The following ZNF77 variants were observed in gnomAD, a reference collection of about 807,000 sequenced individuals.
ZNF77 encodes the protein ZNFpT1.
In ZNF77, 15 loss-of-function variants were observed where a neutral mutation model predicts 13.5. The ratio of observed to expected loss-of-function variants is 1.11; its 90% CI spans 0.74 to 1.71. The LOEUF (loss-of-function observed/expected upper bound fraction) is 1.71. ZNF77 is among the 40% of genes most tolerant of loss of function. The probability of loss-of-function intolerance (pLI) is 0.00; values close to 1 mark genes in which losing one functional copy is unlikely to be tolerated. For missense variants in ZNF77, 717 were observed against 676.4 expected (o/e 1.06, Z -0.67); for synonymous variants, 282 against 250.0 (o/e 1.13, Z -1.21).
chr19:2,934,324 T>C lies in ZNF77; in HGVS notation c.803A>G (p.Tyr268Cys). ...GGCTTTCCCACACTCCTTACACTCA[T>C]AGGGTTTCTCTCCTGTGTGAGTTCT... ...HVRTHTGEKP[Y>C]ECKECGKAFS... Residue 268 changes from tyrosine (Y) to cysteine (C), a missense_variant, in exon 4 of 4, where the codon TAT becomes TGT. Physicochemically the swap from Tyr to Cys is radical, Grantham distance 194. Transcript: ENST00000314531. 6.2e-7 allele frequency: 1 copy of C among 1,614,200 alleles called. No individual in the cohort carries two copies. Among genetic ancestry groups the C allele is most frequent in the Non-Finnish European group, 8.5e-7 (1 of 1,180,028 alleles).
In ZNF77 at chr19:2,933,657, T is replaced by C. The variant is rs1301560626; in HGVS notation, c.1470A>G (p.Lys490=). ...TCCCACATTCAGTACATTCGTAGGG[T>C]TTGACCCCACTGTGTGATCTCACAT... is the stretch of plus-strand genomic sequence containing the variant. ...QKHVRSHSGV[K]PYECTECGKA... is the part of the protein sequence containing the mutation. The change falls in exon 4 of 4, where the codon AAA becomes AAG. Residue 490 remains lysine (K), a synonymous_variant. Coordinates refer to ENST00000314531, the MANE Select transcript of ZNF77 (RefSeq NM_021217.3). 6.2e-7 allele frequency: 1 copy of C among 1,612,582 alleles called. No individual in the cohort carries two copies. Among genetic ancestry groups the C allele is most frequent in the East Asian group, 2.2e-5 (1 of 44,800 alleles).
In ZNF77 at chr19:2,944,826, C is replaced by T; in HGVS notation, c.3+12G>A. 6.6e-7 allele frequency: 1 copy of T among 1,522,882 alleles called. No homozygotes were observed. The highest frequency in any genetic ancestry group is 8.8e-7 in the Non-Finnish European group (1 of 1,141,530). 94.3% of individuals were successfully genotyped at this position (1,522,882 alleles called of 1,614,324 possible). Reference sequence around the variant, plus strand: ...GCCCTGGGCCCGGGCTCGGCTCCCGCCCGGCACTCACCATGTCCCGCCCGC... The same window carrying T: ...GCCCTGGGCCCGGGCTCGGCTCCCGTCCGGCACTCACCATGTCCCGCCCGC... On this transcript the variant is annotated intron_variant, in intron 1 of 3. Transcript: ENST00000314531.
intron 2 of ZNF77, among the ~76,000 whole-genome samples, chr19:2,938,694 C>T (rs888372058): frequency 5.9e-5 from 9 of 152,168 alleles, no homozygotes; most frequent in Non-Finnish European, 1.3e-4. Context: ...CGGTGGCTCA[C>T]GCCTGTAATC....
At chr19:2,940,005 C>T (rs1599620802) in intron 1 of ZNF77, among the ~76,000 whole-genome samples, 1 of 151,996 alleles carries the variant, frequency 6.6e-6, no homozygotes, top group East Asian at 1.9e-4. Context: ...ATCAATCATT[C>T]AGGTAACATG....
At position 2,936,559 on chromosome 19, in the gene ZNF77, A is replaced by G. The variant is rs773429210; in HGVS notation, c.276T>C (p.Thr92=). 6.2e-7 allele frequency: 1 copy of G among 1,610,534 alleles called. No individual in the cohort carries two copies. Among genetic ancestry groups the G allele is most frequent in the Non-Finnish European group, 8.5e-7 (1 of 1,179,054 alleles). ...IFGENWRFDN[T]GDQHQIPQRH... Reference sequence around the variant, plus strand: ...TCTGTGGGATTTGGTGCTGATCTCCAGTGTTATCAAATCTCCAATTTTCTC... The same window carrying G: ...TCTGTGGGATTTGGTGCTGATCTCCGGTGTTATCAAATCTCCAATTTTCTC... The change falls in exon 3 of 4, where the codon ACT becomes ACC. Residue 92 remains threonine (T), a synonymous_variant. Transcript: ENST00000314531.
intron 3 of ZNF77, among the ~76,000 whole-genome samples, chr19:2,936,259 T>C (rs943340526): frequency 2.6e-5 from 4 of 152,020 alleles, no homozygotes; most frequent in Non-Finnish European, 5.9e-5. Flanking sequence ...GCGATTCTCC[T>C]TCCTCAGCCT....
rs553629271 is a variant in ZNF77, at chr19:2,944,965, T to C, written c.-125A>G. On this transcript the variant is annotated 5_prime_UTR_variant, in exon 1 of 4. Transcript: ENST00000314531. ...GGAAGCGCGCAAGGCAGAGGGGAAC[T>C]CGGCTTACCGTCCTCGGGGTCTGAT... is the stretch of plus-strand genomic sequence containing the variant. 250 of 1,263,664 alleles carry C rather than the reference T, an allele frequency of 2.0e-4. No homozygotes were observed. The African/African-American group carries it at 3.7e-3, about 19-fold the overall frequency. The allele number at this position is 1,263,664 out of a possible 1,614,324, so 78.3% of individuals were successfully genotyped here.
intron 1 of ZNF77, among the ~76,000 whole-genome samples, chr19:2,940,410 C>G (rs895566177): frequency 9.9e-5 from 15 of 151,692 alleles, no homozygotes; most frequent in African/African-American, 3.4e-4. Context: ...CGTGGTGGCT[C>G]ACGCCTATAA....
chr19:2,939,808 C>CA (rs1599620712), intron 1 of ZNF77: 10 of 196,640 alleles, frequency 5.1e-5, no homozygotes, highest in South Asian at 1.6e-4. Flanking sequence ...CCCGTCTCTA[C>CA]AAAAAAAATA....
chr19:2,943,836 G>A (rs4807375), intron 1 of ZNF77, among the ~76,000 whole-genome samples: 115,110 of 150,756 alleles, frequency 0.76, 44,203 homozygotes, highest in Non-Finnish European at 0.8. Flanking sequence ...CAGCCTCCCT[G>A]GTAGCTGGGA....
In ZNF77 at chr19:2,934,168, C is replaced by A. The variant is rs1160042866; in HGVS notation, c.959G>T (p.Gly320Val). The change falls in exon 4 of 4, where the codon GGA (glycine) becomes GTA (valine). Residue 320 changes from glycine to valine, a missense_variant. By Grantham distance (109) the Gly-to-Val change is moderately radical. Transcript: ENST00000314531. Reference sequence around the variant, plus strand: ...ATGTTTACACTGACAGGGTTTCTCTCCAGTGTGCGTCCTCACGTGATCTCT... The same window carrying A: ...ATGTTTACACTGACAGGGTTTCTCTACAGTGTGCGTCCTCACGTGATCTCT... ...SFRDHVRTHT[G>V]EKPCQCKHCG... 1 of 1,614,174 alleles carries A rather than the reference C, an allele frequency of 6.2e-7. No individual in the cohort carries two copies. Among genetic ancestry groups the A allele is most frequent in the African/African-American group, 1.3e-5 (1 of 75,044 alleles).
chr19:2,944,791 G>GC, intron 1 of ZNF77, 47 bp downstream of exon 1: 1 of 1,495,994 alleles, frequency 6.7e-7, no homozygotes, highest in Non-Finnish European at 8.9e-7. Flanking sequence ...GGTTCCTGCC[G>GC]CCCCACCTCG....
intron 2 of ZNF77, among the ~76,000 whole-genome samples, 195 bp from the exon 3 acceptor site, chr19:2,936,899 G>A (rs1054561174): frequency 6.6e-6 from 1 of 152,128 alleles, no homozygotes; most frequent in Non-Finnish European, 1.5e-5. Context: ...GATGAGCCGG[G>A]TGCAGTGGCT....
intron 2 of ZNF77, among the ~76,000 whole-genome samples, chr19:2,938,402 T>A (rs2088416172): frequency 6.6e-6 from 1 of 152,244 alleles, no homozygotes; most frequent in South Asian, 2.1e-4. Flanking sequence ...CACAGTGTAC[T>A]TTGATTTTCA....
chr19:2,939,496 T>C, intron 1 of ZNF77, 89 bp from the exon 2 acceptor site: 1 of 1,566,752 alleles, frequency 6.4e-7, no homozygotes, highest in Non-Finnish European at 8.7e-7. Flanking sequence ...CCTGGGGAAC[T>C]GAGCCACACA....
chr19:2,933,856 C>G lies in ZNF77; in HGVS notation c.1271G>C (p.Arg424Pro). ...TCCAGTATGCGTCCTCACGTGGATTCGAAGGGAGGAGGAAAAACTGTAGGC... is the reference window on the plus strand; with the variant it reads ...TCCAGTATGCGTCCTCACGTGGATTGGAAGGGAGGAGGAAAAACTGTAGGC... The part of the protein sequence containing the change: ...GKAYSFSSSL[R>P]IHVRTHTGEK... The change falls in exon 4 of 4, where the codon CGA (arginine) becomes CCA (proline). Residue 424 changes from arginine (R) to proline (P), a missense_variant. Physicochemically the swap from Arg to Pro is moderately radical, Grantham distance 103. Coordinates refer to ENST00000314531, the MANE Select transcript of ZNF77 (RefSeq NM_021217.3). The G allele has an allele frequency of 6.2e-7, 1 of 1,613,536 alleles. No homozygotes were observed. The highest frequency in any genetic ancestry group is 8.5e-7 in the Non-Finnish European group (1 of 1,179,722).
At chr19:2,941,417 C>T (rs2088447442) in intron 1 of ZNF77, among the ~76,000 whole-genome samples, 1 of 151,568 alleles carries the variant, frequency 6.6e-6, no homozygotes, top group Non-Finnish European at 1.5e-5. Context: ...GCAGAGGTTG[C>T]AGTGAGCTGA....
At chr19:2,941,105 G>GC in intron 1 of ZNF77, among the ~76,000 whole-genome samples, 1 of 147,860 alleles carries the variant, frequency 6.8e-6, no homozygotes, top group Admixed American at 6.9e-5. Flanking sequence ...AGCCCAGGAG[G>GC]TTGAGGCTGT....
intron 1 of ZNF77, among the ~76,000 whole-genome samples, chr19:2,941,317 A>C (rs1166586359): frequency 6.6e-6 from 1 of 152,016 alleles, no homozygotes; most frequent in East Asian, 1.9e-4. Context: ...ACCGCTACTA[A>C]AAATACAAAA....
Sources: allele counts gnomAD v4.1 joint callset (sites outside exome capture counted in the v4.1 genomes callset), GRCh38; gene constraint gnomAD v4.1.1; transcripts MANE v1.5; gene names NCBI Gene and HGNC (gene_info 2026-07-23, HGNC 2026-07-21).